Variants in BEST3 observed in about 807,000 individuals in gnomAD.
BEST3 encodes the protein bestrophin 3, also known as bestrophin-3.
In BEST3, 50 loss-of-function variants were observed where a neutral mutation model predicts 47.1. The ratio of observed to expected loss-of-function variants is 1.06; its 90% confidence interval spans 0.85 to 1.34. The LOEUF (loss-of-function observed/expected upper bound fraction) is 1.34, where lower values mean the gene tolerates loss of function less well. Among genes scored for constraint, BEST3 ranks in the 40% most tolerant of loss-of-function variants. The probability of loss-of-function intolerance (pLI) is 0.00; values close to 1 mark genes in which losing one functional copy is unlikely to be tolerated. For missense variants in BEST3, 765 were observed against 817.0 expected (o/e 0.94, Z 0.78); for synonymous variants, 282 against 298.8 (o/e 0.94, Z 0.58).
At chr12:69,695,547 C>T (rs1171920522) in intron 2 of BEST3, among the ~76,000 whole-genome samples, 1 of 152,104 alleles carries the variant, frequency 6.6e-6, no homozygotes, top group Non-Finnish European at 1.5e-5. Flanking sequence ...CAGATTGTTG[C>T]AGAGGTCTAT....
At chr12:69,696,772 T>C (rs2136052684) in intron 2 of BEST3, among the ~76,000 whole-genome samples, 1 of 152,250 alleles carries the variant, frequency 6.6e-6, no homozygotes, top group African/African-American at 2.4e-5. Flanking sequence ...TTTATCTGTA[T>C]GCAGAAGAAA....
In BEST3 at chr12:69,654,362, G is replaced by A; in HGVS notation, c.*545C>T. On this transcript the variant is annotated 3_prime_UTR_variant, in exon 10 of 10. Coordinates refer to ENST00000330891, the MANE Select transcript of BEST3 (RefSeq NM_032735.3). ...GGTGCTGATGAAGCTTAAGAATCAG[G>A]AAGTGATAATAACAATAATAGTTAT... 1.0e-6 allele frequency: 1 copy of A among 985,166 alleles called. No individual in the cohort carries two copies. The highest frequency in any genetic ancestry group is 1.2e-6 in the Non-Finnish European group (1 of 829,754). The allele number at this position is 985,166 out of a possible 1,614,324, so 61.0% of individuals were successfully genotyped here. A position where few individuals can be genotyped will look rare whatever the true frequency, so the allele number is the denominator to read the frequency against.
intron 9 of BEST3, among the ~76,000 whole-genome samples, chr12:69,667,365 G>A (rs1884288042): frequency 6.6e-6 from 1 of 152,010 alleles, no homozygotes; most frequent in South Asian, 2.1e-4. Flanking sequence ...TGCGATCTCG[G>A]TTCACTGCAA....
Position 69,671,546 on chromosome 12 carries a change from T to G in BEST3, c.982A>C (p.Ser328Arg), listed in dbSNP as rs1339928909. The G allele has an allele frequency of 2.5e-6, 4 of 1,613,792 alleles. No homozygotes were observed. The highest frequency in any genetic ancestry group is 2.5e-6 in the Non-Finnish European group (3 of 1,179,784). The change falls in exon 9 of 10, where the codon AGC (serine) becomes CGC (arginine). Residue 328 changes from serine (S) to arginine (R), a missense_variant. Physicochemically the swap from Ser to Arg is moderately radical, Grantham distance 110 (BLOSUM62 -1). Transcript: ENST00000330891. Reference sequence around the variant, plus strand: ...ATGTCCTTCTTCATCTTGGGTAAGCTCATGTGCATTTCGTCCACAGCTAAA... The same window carrying G: ...ATGTCCTTCTTCATCTTGGGTAAGCGCATGTGCATTTCGTCCACAGCTAAA... Reference protein sequence around the residue: ...SLLAVDEMHMSLPKMKKDIYW... With the variant: ...SLLAVDEMHMRLPKMKKDIYW...
At position 69,655,293 on chromosome 12, in the gene BEST3, G is replaced by T. The variant is rs1442430286; in HGVS notation, c.1621C>A (p.Gln541Lys). ...ATGGATCCCATGGGGCCCTGCTGCT[G>T]CTCAGTCTTGCTTGGCTGAACCCCT... ...FTGVQPSKTE[Q>K]QQGPMGSILS... is the part of the protein sequence containing the mutation. Residue 541 changes from glutamine to lysine, a missense_variant, in exon 10 of 10, where the codon CAG becomes AAG. Transcript: ENST00000330891. The T allele has an allele frequency of 6.2e-7, 1 of 1,614,162 alleles. No individual in the cohort carries two copies. Among genetic ancestry groups the T allele is most frequent in the East Asian group, 2.2e-5 (1 of 44,878 alleles).
intron 4 of BEST3, among the ~76,000 whole-genome samples, chr12:69,680,310 C>CTTTTTTTTTTTTTTT (rs1555207049): frequency 2.1e-5 from 2 of 95,006 alleles, no homozygotes; most frequent in South Asian, 3.7e-4. Flanking sequence ...TACACTTGAT[C>CTTTTTTTTTTTTTTT]TTTTTTTTTT....
At chr12:69,667,878 C>T (rs1188120931) in intron 9 of BEST3, among the ~76,000 whole-genome samples, 1 of 152,082 alleles carries the variant, frequency 6.6e-6, no homozygotes, top group East Asian at 1.9e-4. Context: ...AATAAACGAG[C>T]ACATTCTGTA....
chr12:69,679,055 G>A (rs578177498), intron 4 of BEST3, among the ~76,000 whole-genome samples, 162 bp from the exon 5 acceptor site: 3 of 152,274 alleles, frequency 2.0e-5, no homozygotes, highest in African/African-American at 7.2e-5. Flanking sequence ...TAGAGTTAAG[G>A]AATGTGTGTG....
At chr12:69,660,901 C>T (rs1327493979) in intron 9 of BEST3, 1 of 152,174 alleles carries the variant, frequency 6.6e-6, no homozygotes, top group Non-Finnish European at 1.5e-5. Flanking sequence ...TTTCAAAATA[C>T]ATATGGAATA....
chr12:69,692,249 A>G (rs1352351605), intron 4 of BEST3, among the ~76,000 whole-genome samples: 3 of 152,228 alleles, frequency 2.0e-5, no homozygotes, highest in African/African-American at 7.2e-5. Flanking sequence ...TCTATTTTTC[A>G]GGACATTTCA....
At chr12:69,644,516 A>G (rs1025172663) in intron 9 of BEST3, among the ~76,000 whole-genome samples, 1 of 152,208 alleles carries the variant, frequency 6.6e-6, no homozygotes, top group African/African-American at 2.4e-5. Flanking sequence ...ACAGGGTATG[A>G]TGCAGTATTT....
At chr12:69,665,977 A>G (rs755166044) in intron 9 of BEST3, among the ~76,000 whole-genome samples, 2 of 152,122 alleles carry the variant, frequency 1.3e-5, no homozygotes, top group African/African-American at 2.4e-5. Flanking sequence ...TGATGGGTAC[A>G]TGGAGCTTTT....
chr12:69,643,857 G>A (rs1050933312), intron 9 of BEST3: 8 of 592,174 alleles, frequency 1.4e-5, no homozygotes, highest in Admixed American at 2.8e-5. Flanking sequence ...TCTTTTCTTC[G>A]CCAAACTCAC....
chr12:69,667,639 A>G (rs957582469), intron 9 of BEST3, among the ~76,000 whole-genome samples: 1 of 152,226 alleles, frequency 6.6e-6, no homozygotes, highest in East Asian at 1.9e-4. Context: ...CCTGACTCCA[A>G]GAGGCTTTCT....
At chr12:69,651,593 T>C (rs554996676), downstream of BEST3, among the ~76,000 whole-genome samples, 4 of 151,992 alleles carry the variant, frequency 2.6e-5, no homozygotes, top group African/African-American at 9.6e-5. Context: ...GCCAACATGG[T>C]GAAACCCTGT....
At chr12:69,682,199 G>A (rs1215842347) in intron 4 of BEST3, among the ~76,000 whole-genome samples, 1 of 152,130 alleles carries the variant, frequency 6.6e-6, no homozygotes, top group Non-Finnish European at 1.5e-5. Flanking sequence ...TTTCCTGGGT[G>A]ATTTAATAGA....
At chr12:69,682,913 T>A (rs1278664026) in intron 4 of BEST3, among the ~76,000 whole-genome samples, 1 of 128,844 alleles carries the variant, frequency 7.8e-6, no homozygotes, top group African/African-American at 2.5e-5. Flanking sequence ...TAGATAAACT[T>A]GATCTGTCTT....
At position 69,653,910 on chromosome 12, in the gene BEST3, G is replaced by T; in HGVS notation, c.*997C>A. The T allele has an allele frequency of 1.0e-6, 1 of 985,450 alleles. No individual in the cohort carries two copies. Among genetic ancestry groups the T allele is most frequent in the Non-Finnish European group, 1.2e-6 (1 of 829,932 alleles). 61.0% of individuals were successfully genotyped at this position (985,450 alleles called of 1,614,324 possible). ...ATAAGAGTTCAAGTTAAACAGATGT[G>T]AGTCATCTTATTCTTTGGTTCCATA... On this transcript the variant is annotated 3_prime_UTR_variant, in exon 10 of 10. Coordinates refer to ENST00000330891, the MANE Select transcript of BEST3 (RefSeq NM_032735.3).
chr12:69,680,923 CTATA>C (rs1885219472), intron 4 of BEST3, among the ~76,000 whole-genome samples: 1 of 141,442 alleles, frequency 7.1e-6, no homozygotes, highest in South Asian at 2.2e-4. Flanking sequence ...TGGCTGCTCT[CTATA>C]TATTAACATT....
Sources: allele counts gnomAD v4.1 joint callset (sites outside exome capture counted in the v4.1 genomes callset), GRCh38; gene constraint gnomAD v4.1.1; transcripts MANE v1.5; gene names NCBI Gene and HGNC (gene_info 2026-07-23, HGNC 2026-07-21).